ADAM19: variants seen among roughly 807,000 people sequenced by gnomAD.
ADAM19 encodes the protein disintegrin and metalloproteinase domain-containing protein 19.
In ADAM19, 65 loss-of-function variants were observed where a neutral mutation model predicts 114.7. The ratio of observed to expected loss-of-function variants is 0.57; its 90% CI spans 0.46 to 0.70. The LOEUF (loss-of-function observed/expected upper bound fraction) is 0.70, where lower values mean the gene tolerates loss of function less well. Ranked by LOEUF, ADAM19 falls within the 30% of genes least tolerant of loss-of-function variation. The pLI is 0.00. For synonymous variants in ADAM19, 466 were observed against 460.5 expected, an observed-to-expected ratio of 1.01 and a Z score of -0.15; for missense variants, 1,063 against 1,204.7, an observed-to-expected ratio of 0.88 and a Z score of 1.74.
chr5:157,490,599 AAC>A (rs1273636595), intron 18 of ADAM19, 145 bp from the exon 19 acceptor site: 3 of 1,125,502 alleles, frequency 2.7e-6, no homozygotes, highest in Admixed American at 4.9e-5. Context: ...TATAATTAAA[AAC>A]ACACATTATG....
intron 14 of ADAM19, among the ~76,000 whole-genome samples, 192 bp from the exon 15 acceptor site, chr5:157,494,987 TA>T (rs918342688): frequency 1.3e-5 from 2 of 152,050 alleles, no homozygotes; most frequent in African/African-American, 4.8e-5. Context: ...ATGTTTTATA[TA>T]AATCCTTTTT....
chr5:157,509,412 T>C lies in ADAM19; in HGVS notation c.794A>G (p.His265Arg), dbSNP rs777190190. 1.2e-5 allele frequency: 20 copies of C among 1,613,050 alleles called. No homozygotes were observed. The African/African-American group carries it at 2.0e-4, about 16-fold the overall frequency. ...CTCTGAAACTTCACACATGTTCCCG[T>C]GGGTCCACACTTCCAAGCCCACGAG... is the stretch of plus-strand genomic sequence containing the variant. ...IALVGLEVWT[H>R]GNMCEVSENP... is the part of the protein sequence containing the mutation. Residue 265 changes from histidine (H) to arginine (R), a missense_variant, in exon 9 of 23, where the codon CAC (histidine) becomes CGC (arginine). His to Arg is a conservative substitution (Grantham distance 29). Transcript: ENST00000257527.
intron 18 of ADAM19, 66 bp from the exon 19 acceptor site, chr5:157,490,520 G>T: frequency 4.5e-6 from 7 of 1,556,624 alleles, no homozygotes; most frequent in Non-Finnish European, 6.2e-6. Context: ...TTTCAAAATA[G>T]GTATTCGTGC....
Position 157,479,149 on chromosome 5 carries a change from A to C in ADAM19, c.*1800T>G, listed in dbSNP as rs11466817. ...AGCAAGGATGACCCACGGCAAGGAC[A>C]TGGGGAACCTGTATCACAGCCACCC... On this transcript the variant is annotated 3_prime_UTR_variant, in exon 23 of 23. Transcript: ENST00000257527. The C allele has an allele frequency of 6.2e-4, 616 of 985,912 alleles. 2 individuals carry two copies. The African/African-American group carries it at 1.0e-2, about 16-fold the overall frequency. The allele number at this position is 985,912 out of a possible 1,614,324, so 61.1% of individuals were successfully genotyped here.
chr5:157,498,640 A>G (rs928899582), intron 13 of ADAM19, among the ~76,000 whole-genome samples: 16 of 151,660 alleles, frequency 1.1e-4, no homozygotes, highest in African/African-American at 3.9e-4. Flanking sequence ...TGTAATACAT[A>G]GGTCCATATG....
chr5:157,556,209 CTTTTTTTT>C (rs68078503), intron 3 of ADAM19, among the ~76,000 whole-genome samples: 35 of 66,320 alleles, frequency 5.3e-4, no homozygotes, highest in South Asian at 1.5e-3. Context: ...TTTTCTTTTT[CTTTTTTTT>C]TTTTTTTTTT....
chr5:157,485,981 C>T (rs1754918065), intron 21 of ADAM19, among the ~76,000 whole-genome samples: 1 of 152,328 alleles, frequency 6.6e-6, no homozygotes, highest in South Asian at 2.1e-4. Flanking sequence ...CTCGTCATTG[C>T]CTGGCCCAGA....
chr5:157,569,352 G>A (rs982823446), intron 2 of ADAM19, among the ~76,000 whole-genome samples: 2 of 145,628 alleles, frequency 1.4e-5, no homozygotes, highest in Admixed American at 1.4e-4. Context: ...TCAGGCGATC[G>A]TCCCACCTCA....
At chr5:157,507,276 T>C in intron 9 of ADAM19, 136 bp from the exon 10 acceptor site, 3 of 768,066 alleles carry the variant, frequency 3.9e-6, no homozygotes, top group Non-Finnish European at 6.6e-6. Context: ...GGAGAGGCCC[T>C]TGTAACCAGG....
At chr5:157,571,814 C>T (rs1286525910) in intron 1 of ADAM19, among the ~76,000 whole-genome samples, 4 of 152,144 alleles carry the variant, frequency 2.6e-5, no homozygotes, top group Non-Finnish European at 5.9e-5. Flanking sequence ...TTCTGGAGGT[C>T]AAGCCCATGA....
intron 5 of ADAM19, among the ~76,000 whole-genome samples, chr5:157,526,415 A>G (rs1756463171): frequency 1.3e-5 from 2 of 152,240 alleles, no homozygotes; most frequent in African/African-American, 2.4e-5. Flanking sequence ...TTTTTAAAAA[A>G]GTAAACAACT....
intron 3 of ADAM19, among the ~76,000 whole-genome samples, chr5:157,560,407 C>T (rs1757481590): frequency 6.6e-6 from 1 of 151,726 alleles, no homozygotes; most frequent in African/African-American, 2.4e-5. Context: ...TTCATATCAT[C>T]TGTCTCTGAG....
At chr5:157,481,320 T>C (rs2113680732) in intron 22 of ADAM19, 2 of 571,948 alleles carry the variant, frequency 3.5e-6, no homozygotes, top group East Asian at 3.0e-5. Flanking sequence ...ACCTCATCCC[T>C]TTCTGACCTG....
chr5:157,548,585 C>G (rs1757108147), intron 3 of ADAM19, among the ~76,000 whole-genome samples: 1 of 152,174 alleles, frequency 6.6e-6, no homozygotes, highest in Non-Finnish European at 1.5e-5. Context: ...CCCCATAGTA[C>G]CCAGAAGACT....
Position 157,488,274 on chromosome 5 carries a change from G to A in ADAM19, c.2541C>T (p.Ile847=), listed in dbSNP as rs145311543. ...SRPIPPAPNC[I]VSQDFSRPRP... ...CTGATTATCCACTTACCTGGGAAACGATGCAATTTGGTGCGGGGGGAATTG... is the reference window on the plus strand; with the variant it reads ...CTGATTATCCACTTACCTGGGAAACAATGCAATTTGGTGCGGGGGGAATTG... The change falls in exon 21 of 23, where the codon ATC becomes ATT. Residue 847 remains isoleucine (I), a synonymous_variant. Transcript: ENST00000257527. The A allele has an allele frequency of 1.3e-4, 204 of 1,612,202 alleles. No individual in the cohort carries two copies. Among genetic ancestry groups the A allele is most frequent in the Non-Finnish European group, 1.7e-4 (195 of 1,178,550 alleles).
chr5:157,483,337 C>T (rs1306686557), intron 21 of ADAM19, among the ~76,000 whole-genome samples: 1 of 151,988 alleles, frequency 6.6e-6, no homozygotes, highest in Non-Finnish European at 1.5e-5. Flanking sequence ...CTGTTTGTAA[C>T]AGCAAAGAAA....
At chr5:157,510,344 C>T (rs1391165684) in intron 8 of ADAM19, among the ~76,000 whole-genome samples, 1 of 152,180 alleles carries the variant, frequency 6.6e-6, no homozygotes, top group Non-Finnish European at 1.5e-5. Context: ...CGTGGTGGCG[C>T]ATGCCTGTAA....
chr5:157,490,891 C>CAAA (rs34600745), intron 18 of ADAM19, among the ~76,000 whole-genome samples: 3 of 110,334 alleles, frequency 2.7e-5, no homozygotes, highest in Middle Eastern at 4.6e-3. Context: ...GACTCCGTCT[C>CAAA]AAAAAAAAAA....
intron 9 of ADAM19, among the ~76,000 whole-genome samples, chr5:157,508,551 G>C (rs1755817491): frequency 6.6e-6 from 1 of 151,252 alleles, no homozygotes; most frequent in Non-Finnish European, 1.5e-5. Flanking sequence ...AGTGAGCCGA[G>C]ATCACGCTAC....
Sources: allele counts gnomAD v4.1 joint callset (sites outside exome capture counted in the v4.1 genomes callset), GRCh38; gene constraint gnomAD v4.1.1; transcripts MANE v1.5; gene names NCBI Gene and HGNC (gene_info 2026-07-23, HGNC 2026-07-21).